CD99L2: variants seen among roughly 807,000 people sequenced by gnomAD.
CD99L2 encodes the protein CD99 antigen-like protein 2.
A neutral mutation model predicts 27.3 loss-of-function variants in CD99L2; 24 were observed. The observed-to-expected ratio is 0.88, with a 90% CI of 0.64 to 1.24. The LOEUF (loss-of-function observed/expected upper bound fraction) is 1.24, where lower values mean the gene tolerates loss of function less well. Among genes scored for constraint, CD99L2 ranks in the 50% most tolerant of loss-of-function variants. The pLI is 0.00. For synonymous variants in CD99L2, 97 were observed against 87.9 expected, an observed-to-expected ratio of 1.10 and a Z score of -0.58; for missense variants, 255 against 221.6, an observed-to-expected ratio of 1.15 and a Z score of -0.96.
intron 4 of CD99L2, among the ~76,000 whole-genome samples, chrX:150,796,923 A>G (rs1441410056): frequency 8.9e-6 from 1 of 112,292 alleles, no homozygotes; most frequent in Non-Finnish European, 1.9e-5. Flanking sequence ...AAAGTTTCAA[A>G]GGAAATTTTA....
intron 4 of CD99L2, 106 bp from the exon 5 acceptor site, chrX:150,795,592 T>TA: frequency 8.9e-6 from 7 of 783,944 alleles, no homozygotes; most frequent in South Asian, 2.3e-5. Context: ...GTCTTGGTCC[T>TA]TGAGGCTCCT....
Position 150,816,067 on chromosome X carries a change from G to C in CD99L2, c.142C>G (p.His48Asp). The C allele has an allele frequency of 8.3e-7, 1 of 1,211,060 alleles. No individual in the cohort carries two copies. The highest frequency in any genetic ancestry group is 1.8e-5 in the South Asian group (1 of 56,957). ...CTATTGGTTGTGGTGGTGGTGGTGT[G>C]GTCCCATGGCTCTAAAAGGGAGAGG... ...ETSSVKQPWD[H>D]TTTTTTNRPG... Residue 48 changes from histidine (H) to aspartate (D), a missense_variant, in exon 3 of 11, where the codon CAC (histidine) becomes GAC (aspartate). Physicochemically the swap from His to Asp is moderately conservative, Grantham distance 81. Transcript: ENST00000370377.
At chrX:150,848,740 C>A (rs1557421530) in intron 1 of CD99L2, among the ~76,000 whole-genome samples, 1 of 111,066 alleles carries the variant, frequency 9.0e-6, no homozygotes, top group African/African-American at 3.3e-5. Context: ...GGAGGATGAG[C>A]TGACCAACCT....
chrX:150,784,939 G>A (rs940269452), intron 7 of CD99L2, among the ~76,000 whole-genome samples: 1 of 112,041 alleles, frequency 8.9e-6, no homozygotes, highest in Non-Finnish European at 1.9e-5. Flanking sequence ...GCTGCAGGGC[G>A]GAGAGTGGGC....
At chrX:150,806,937 T>C (rs1380300834) in intron 4 of CD99L2, among the ~76,000 whole-genome samples, 1 of 111,017 alleles carries the variant, frequency 9.0e-6, no homozygotes, top group Non-Finnish European at 1.9e-5. Context: ...AATGAGATGG[T>C]ATACACAGGC....
At chrX:150,813,382 T>C in intron 4 of CD99L2, among the ~76,000 whole-genome samples, 1 of 112,045 alleles carries the variant, frequency 8.9e-6, no homozygotes. Context: ...TTCTTACAAC[T>C]ACACACGAAT....
At chrX:150,783,125 C>T (rs920044573) in intron 7 of CD99L2, among the ~76,000 whole-genome samples, 2 of 91,475 alleles carry the variant, frequency 2.2e-5, no homozygotes, top group African/African-American at 8.4e-5. Flanking sequence ...AGGGGAATAT[C>T]ACACACCGGG....
At position 150,769,071 on chromosome X, in the gene CD99L2, G is replaced by A. The variant is rs782476297; in HGVS notation, c.752C>T (p.Ala251Val). 5 of 1,162,172 alleles carry A rather than the reference G, an allele frequency of 4.3e-6. No homozygotes were observed. Among genetic ancestry groups the A allele is most frequent in the Middle Eastern group, 2.4e-4 (1 of 4,180 alleles). The change falls in exon 11 of 11, where the codon GCA becomes GTA. Residue 251 changes from alanine (A) to valine (V), a missense_variant. Coordinates refer to ENST00000370377, the MANE Select transcript of CD99L2 (RefSeq NM_031462.4). ...VKYSTLHTQS[A>V]EPPPPPEPAR... The stretch of plus-strand genomic sequence containing the variant: ...TGGTTCGGGCGGCGGCGGCGGCTCT[G>A]CAGACTGCGTGTGCAACGTGGAGTA...
chrX:150,778,116 T>C (rs2045433158), intron 7 of CD99L2, among the ~76,000 whole-genome samples: 1 of 110,820 alleles, frequency 9.0e-6, no homozygotes, highest in Non-Finnish European at 1.9e-5. Flanking sequence ...GTTCTGTATA[T>C]TGACTATGGT....
chrX:150,881,790 T>C (rs1382780442), intron 1 of CD99L2, among the ~76,000 whole-genome samples: 2 of 110,683 alleles, frequency 1.8e-5, no homozygotes, highest in African/African-American at 6.6e-5. Context: ...ATTGGCTCCC[T>C]TTGTACCTGA....
intron 1 of CD99L2, among the ~76,000 whole-genome samples, chrX:150,861,610 T>G (rs1359630717): frequency 5.4e-5 from 6 of 111,299 alleles, no homozygotes; most frequent in Non-Finnish European, 1.1e-4. Flanking sequence ...CAGAGAATAC[T>G]ATAAACACCT....
chrX:150,861,141 C>CAAAAAAAAAATAAAA (rs2046970892), intron 1 of CD99L2, among the ~76,000 whole-genome samples: 1 of 40,919 alleles, frequency 2.4e-5, no homozygotes, highest in Non-Finnish European at 4.7e-5. Flanking sequence ...GACTCTGTCT[C>CAAAAAAAAAATAAAA]AAAAAAAAAA....
intron 4 of CD99L2, among the ~76,000 whole-genome samples, chrX:150,813,906 G>A (rs2046111646): frequency 8.9e-6 from 1 of 112,117 alleles, no homozygotes; most frequent in Non-Finnish European, 1.9e-5. Context: ...TCAATTTAAA[G>A]AAACCCACTC....
At chrX:150,793,347 G>A (rs1033333047) in intron 7 of CD99L2, among the ~76,000 whole-genome samples, 1 of 112,744 alleles carries the variant, frequency 8.9e-6, no homozygotes, top group Admixed American at 9.3e-5. Flanking sequence ...CCAAGAGTGA[G>A]TGAGTCTCTT....
At chrX:150,873,442 T>C (rs2047186258) in intron 1 of CD99L2, among the ~76,000 whole-genome samples, 2 of 112,026 alleles carry the variant, frequency 1.8e-5, no homozygotes, top group Non-Finnish European at 3.8e-5. Flanking sequence ...GCTTAATAGA[T>C]ACAGGGTCTC....
chrX:150,835,962 C>T (rs189955362), intron 1 of CD99L2, among the ~76,000 whole-genome samples: 59 of 111,142 alleles, frequency 5.3e-4, no homozygotes, highest in African/African-American at 1.9e-3. Flanking sequence ...ACCTTCTCTC[C>T]GATCCCCAGT....
chrX:150,769,341 G>C (rs1557418868), intron 10 of CD99L2, among the ~76,000 whole-genome samples: 1 of 112,124 alleles, frequency 8.9e-6, no homozygotes, highest in African/African-American at 3.2e-5. Context: ...TAAAAAATGA[G>C]CGTGTTCCTG....
At chrX:150,806,720 G>A (rs1041299039) in intron 4 of CD99L2, among the ~76,000 whole-genome samples, 2 of 110,659 alleles carry the variant, frequency 1.8e-5, no homozygotes, top group East Asian at 2.8e-4. Context: ...GTGAAAACCC[G>A]TCTCTACTAA....
intron 3 of CD99L2, among the ~76,000 whole-genome samples, 198 bp from the exon 4 acceptor site, chrX:150,815,134 C>A (rs1425150302): frequency 1.8e-5 from 2 of 112,538 alleles, no homozygotes; most frequent in Non-Finnish European, 3.8e-5. Context: ...AAAGTTACTA[C>A]TTTCTGACTT....
Sources: allele counts gnomAD v4.1 joint callset (sites outside exome capture counted in the v4.1 genomes callset), GRCh38; gene constraint gnomAD v4.1.1; transcripts MANE v1.5; gene names NCBI Gene and HGNC (gene_info 2026-07-23, HGNC 2026-07-21).